ST18: variants seen among roughly 807,000 people sequenced by gnomAD.
ST18 encodes the protein suppression of tumorigenicity 18 protein.
ST18 carries 50 observed loss-of-function variants against 110.0 expected under a neutral mutation model. That is an observed-to-expected ratio of 0.45 (90% CI 0.36 to 0.58). ST18 has a LOEUF of 0.58. ST18 is among the 20% of genes least tolerant of loss of function. The probability of loss-of-function intolerance (pLI) is 0.00; values close to 1 mark genes in which losing one functional copy is unlikely to be tolerated. For synonymous variants in ST18, 461 were observed against 452.4 expected, an observed-to-expected ratio of 1.02 and a Z score of -0.24; for missense variants, 1,306 against 1,280.1, an observed-to-expected ratio of 1.02 and a Z score of -0.31.
chr8:52,290,065 C>T (rs948614445), intron 2 of ST18, among the ~76,000 whole-genome samples: 4 of 152,132 alleles, frequency 2.6e-5, no homozygotes, highest in African/African-American at 9.7e-5. Flanking sequence ...TCTTATGGTA[C>T]ACCTGGTACA....
chr8:52,283,702 G>A (rs73679034), intron 2 of ST18, among the ~76,000 whole-genome samples: 13,504 of 152,080 alleles, frequency 0.089, 1,329 homozygotes, highest in African/African-American at 0.24. Context: ...CAGTTTCTTT[G>A]CATGGAGCAG....
chr8:52,359,119 A>C (rs1824502606), intron 2 of ST18, among the ~76,000 whole-genome samples: 1 of 140,402 alleles, frequency 7.1e-6, no homozygotes, highest in Non-Finnish European at 1.5e-5. Flanking sequence ...AATAGAATGG[A>C]GAAAAAAAAA....
intron 16 of ST18, among the ~76,000 whole-genome samples, chr8:52,147,428 C>T (rs2057620545): frequency 6.6e-6 from 1 of 152,038 alleles, no homozygotes; most frequent in African/African-American, 2.4e-5. Flanking sequence ...ATGTTGACAT[C>T]CTTGCTGAGG....
Position 52,230,015 on chromosome 8 carries a change from A to C in ST18, c.-419+17T>G, listed in dbSNP as rs1017131833. ...TTCTTTGGGGGAAAAGTTTATTTTTAAATAGCTTTTACTTACCTTCCCTAA... is the reference window on the plus strand; with the variant it reads ...TTCTTTGGGGGAAAAGTTTATTTTTCAATAGCTTTTACTTACCTTCCCTAA... On this transcript the variant is annotated intron_variant, in intron 3 of 25. Transcript: ENST00000689386. 1 of 152,598 alleles carries C rather than the reference A, an allele frequency of 6.6e-6. No individual in the cohort carries two copies. Among genetic ancestry groups the C allele is most frequent in the Non-Finnish European group, 1.5e-5 (1 of 68,038 alleles). 9.5% of individuals were successfully genotyped at this position (152,598 alleles called of 1,614,324 possible). A position where few individuals can be genotyped will look rare whatever the true frequency, so the allele number is the denominator to read the frequency against.
At chr8:52,158,096 CT>C (rs2060469013) in intron 15 of ST18, among the ~76,000 whole-genome samples, 1 of 152,230 alleles carries the variant, frequency 6.6e-6, no homozygotes, top group African/African-American at 2.4e-5. Flanking sequence ...GGCTGAGCCA[CT>C]TTTACAAGCT....
At chr8:52,204,384 G>A (rs571641582) in intron 8 of ST18, among the ~76,000 whole-genome samples, 2 of 152,120 alleles carry the variant, frequency 1.3e-5, no homozygotes, top group Non-Finnish European at 2.9e-5. Flanking sequence ...ACTTCCAAAC[G>A]CCCGTTAATT....
intron 2 of ST18, among the ~76,000 whole-genome samples, chr8:52,279,857 T>C (rs1022087514): frequency 2.0e-5 from 3 of 152,136 alleles, no homozygotes; most frequent in Admixed American, 2.0e-4. Context: ...CTAAGGTGTC[T>C]CCTAAAGAAT....
At chr8:52,153,956 T>G (rs1195521052) in intron 15 of ST18, among the ~76,000 whole-genome samples, 1 of 152,240 alleles carries the variant, frequency 6.6e-6, no homozygotes, top group Non-Finnish European at 1.5e-5. Context: ...AAATGACAGC[T>G]GATAATCATA....
intron 3 of ST18, 75 bp downstream of exon 3, chr8:52,229,957 T>A (rs1294601931): frequency 2.0e-5 from 3 of 152,526 alleles, no homozygotes; most frequent in Admixed American, 2.0e-4. Context: ...CTTCTCAGGT[T>A]TTTGATGGAT....
intron 2 of ST18, among the ~76,000 whole-genome samples, chr8:52,366,546 C>G (rs968053267): frequency 6.6e-6 from 1 of 152,130 alleles, no homozygotes; most frequent in Non-Finnish European, 1.5e-5. Context: ...GACCTTGGCA[C>G]TTGCTATTTC....
chr8:52,370,506 C>T (rs1489867761), intron 2 of ST18, among the ~76,000 whole-genome samples: 1 of 152,040 alleles, frequency 6.6e-6, no homozygotes, highest in Non-Finnish European at 1.5e-5. Context: ...CATGATGTAC[C>T]CAGTGGTCAG....
chr8:52,221,259 G>A (rs1363954096), intron 4 of ST18, among the ~76,000 whole-genome samples: 1 of 152,132 alleles, frequency 6.6e-6, no homozygotes, highest in Non-Finnish European at 1.5e-5. Context: ...GATTTGGAAT[G>A]TACTATACTC....
intron 2 of ST18, among the ~76,000 whole-genome samples, chr8:52,391,401 G>A (rs1839280503): frequency 6.6e-6 from 1 of 152,198 alleles, no homozygotes; most frequent in Admixed American, 6.5e-5. Flanking sequence ...GACACTACAA[G>A]TGGGCTGATG....
intron 16 of ST18, among the ~76,000 whole-genome samples, chr8:52,147,377 G>A (rs564907400): frequency 2.0e-5 from 3 of 152,262 alleles, no homozygotes; most frequent in South Asian, 4.1e-4. Flanking sequence ...CTGTGGCTAA[G>A]GAAGTGATAG....
intron 2 of ST18, among the ~76,000 whole-genome samples, chr8:52,319,338 T>C (rs1340478536): frequency 2.0e-5 from 3 of 152,166 alleles, no homozygotes; most frequent in African/African-American, 4.8e-5. Context: ...TAAATCATTA[T>C]AGGTTTTTGT....
At chr8:52,382,904 A>G (rs1736704595) in intron 2 of ST18, among the ~76,000 whole-genome samples, 1 of 152,242 alleles carries the variant, frequency 6.6e-6, no homozygotes, top group Admixed American at 6.5e-5. Flanking sequence ...ATTCTGTGAC[A>G]GTAGCCAGCT....
At chr8:52,126,321 A>T (rs1279746431) in intron 22 of ST18, among the ~76,000 whole-genome samples, 181 bp from the exon 23 acceptor site, 2 of 152,266 alleles carry the variant, frequency 1.3e-5, no homozygotes, top group Non-Finnish European at 2.9e-5. Context: ...AAGGCCCTCA[A>T]ATAATGTAAA....
At chr8:52,330,392 A>G (rs1589968808) in intron 2 of ST18, among the ~76,000 whole-genome samples, 2 of 152,334 alleles carry the variant, frequency 1.3e-5, no homozygotes, top group South Asian at 4.1e-4. Context: ...AAAAATAATA[A>G]GAGTCTTCTA....
At chr8:52,313,323 C>T (rs1251565125) in intron 2 of ST18, 1 of 152,322 alleles carries the variant, frequency 6.6e-6, no homozygotes, top group African/African-American at 2.4e-5. Flanking sequence ...AACTTCAGGT[C>T]TCACAGCAAG....
Sources: gnomAD v4.1 joint callset for allele counts (sites outside exome capture counted in the v4.1 genomes callset) on GRCh38, gnomAD v4.1.1 for gene constraint, MANE v1.5 for transcripts, NCBI Gene and HGNC (gene_info 2026-07-23, HGNC 2026-07-21) for gene names.